The following DNAH14 variants were observed in gnomAD, a reference collection of about 807,000 sequenced individuals.
DNAH14 encodes the protein dynein axonemal heavy chain 14.
In DNAH14, 478 loss-of-function variants were observed where a neutral mutation model predicts 520.9. The ratio of observed to expected loss-of-function variants is 0.92; its 90% CI spans 0.85 to 0.99. The LOEUF (loss-of-function observed/expected upper bound fraction) is 0.99, where lower values mean the gene tolerates loss of function less well. DNAH14 is among the 50% of genes least tolerant of loss of function. The pLI, the probability that DNAH14 is intolerant of heterozygous loss-of-function variation, is 0.00. For missense variants in DNAH14, 4,831 were observed against 5,234.5 expected (o/e 0.92, Z 2.38); for synonymous variants, 1,581 against 1,757.2 (o/e 0.90, Z 2.51).
intron 73 of DNAH14, among the ~76,000 whole-genome samples, chr1:225,357,415 T>C (rs1044272136): frequency 1.3e-5 from 2 of 152,148 alleles, no homozygotes; most frequent in South Asian, 4.1e-4. Context: ...TAATGGCACA[T>C]TGGTGACAAA....
At chr1:225,106,781 C>G (rs1384429990) in intron 23 of DNAH14, among the ~76,000 whole-genome samples, 1 of 152,146 alleles carries the variant, frequency 6.6e-6, no homozygotes, top group Non-Finnish European at 1.5e-5. Flanking sequence ...AGCCATTCAT[C>G]TAATTTTTTT....
At chr1:225,073,344 G>C (rs1216986636) in intron 17 of DNAH14, among the ~76,000 whole-genome samples, 3 of 152,150 alleles carry the variant, frequency 2.0e-5, no homozygotes, top group Admixed American at 2.0e-4. Flanking sequence ...CCTCCCTCTG[G>C]GAGTACCATC....
At chr1:225,377,130 G>A (rs2095711327) in intron 78 of DNAH14, 107 bp from the exon 79 acceptor site, 6 of 882,838 alleles carry the variant, frequency 6.8e-6, no homozygotes, top group African/African-American at 1.7e-5. Flanking sequence ...GGAAAATATT[G>A]TCTTCAAGCA....
Position 225,149,223 on chromosome 1 carries a change from T to G in DNAH14, c.4940+1974T>G, listed in dbSNP as rs368287391. 6.6e-5 allele frequency among the ~76,000 whole-genome samples: 10 copies of G among 152,322 alleles called. No homozygotes were observed. The East Asian group carries it at 1.7e-3, about 26-fold the overall frequency. On this transcript the variant is annotated intron_variant, in intron 31 of 85. Coordinates refer to ENST00000682510, the MANE Select transcript of DNAH14 (RefSeq NM_001367479.1). ...TTGAGTTTGTCATGTTTGTCAAAGA[T>G]CAGATGGTTGTATGTGTGCAGCCTT...
chr1:225,204,265 A>G lies in DNAH14; in HGVS notation c.5969A>G (p.Glu1990Gly). 6.8e-7 allele frequency: 1 copy of G among 1,469,300 alleles called. No homozygotes were observed. The highest frequency in any genetic ancestry group is 9.0e-7 in the Non-Finnish European group (1 of 1,108,328). The allele number at this position is 1,469,300 out of a possible 1,614,324, so 91.0% of individuals were successfully genotyped here. The change falls in exon 39 of 86, where the codon GAA (glutamate) becomes GGA (glycine). Residue 1990 changes from glutamate to glycine, a missense_variant. Transcript: ENST00000682510. ...ATAGAGAAAGTTGTTAAAATTCCAG[A>G]AAATCACAGTAAGTGTTACTAAATT... ...EEIEKVVKIP[E>G]NHNFDWQWII...
At chr1:225,152,949 T>A (rs140760573) in intron 33 of DNAH14, 66 bp downstream of exon 33, 464 of 1,494,024 alleles carry the variant, frequency 3.1e-4, no homozygotes, top group Non-Finnish European at 3.9e-4. Context: ...AGTAATACTT[T>A]TCTGGATTGG....
At chr1:225,020,152 C>T (rs2147998119) in intron 10 of DNAH14, among the ~76,000 whole-genome samples, 1 of 151,970 alleles carries the variant, frequency 6.6e-6, no homozygotes, top group Non-Finnish European at 1.5e-5. Flanking sequence ...CCCAAATACA[C>T]CCAATCAGAA....
intron 78 of DNAH14, among the ~76,000 whole-genome samples, chr1:225,375,898 C>G (rs1357914540): frequency 1.3e-5 from 2 of 151,876 alleles, no homozygotes; most frequent in Non-Finnish European, 2.9e-5. Flanking sequence ...AGCAGCCTGG[C>G]CAACATGATG....
intron 9 of DNAH14, among the ~76,000 whole-genome samples, chr1:225,006,365 C>T (rs1360396914): frequency 6.6e-6 from 1 of 152,086 alleles, no homozygotes; most frequent in Non-Finnish European, 1.5e-5. Context: ...GGGAGATAAC[C>T]ATAAGGTCTG....
At chr1:224,988,936 G>A (rs996466245) in intron 8 of DNAH14, among the ~76,000 whole-genome samples, 2 of 152,140 alleles carry the variant, frequency 1.3e-5, no homozygotes, top group Admixed American at 1.3e-4. Context: ...TGCCCAGCCT[G>A]AACTCTTCTT....
intron 5 of DNAH14, among the ~76,000 whole-genome samples, chr1:224,965,138 G>A (rs2061083091): frequency 6.6e-6 from 1 of 152,044 alleles, no homozygotes; most frequent in South Asian, 2.1e-4. Context: ...GAAAGCTATG[G>A]TAAGAACTAA....
intron 52 of DNAH14, among the ~76,000 whole-genome samples, chr1:225,274,197 A>ATTTTTTTTTT (rs869247051): frequency 8.6e-5 from 8 of 92,884 alleles, no homozygotes; most frequent in African/African-American, 1.2e-4. Flanking sequence ...AGCATCTGTT[A>ATTTTTTTTTT]TTTTTTTTTT....
intron 1 of DNAH14, among the ~76,000 whole-genome samples, chr1:224,936,358 TAAAC>T (rs945836313): frequency 1.3e-4 from 19 of 150,690 alleles, no homozygotes; most frequent in African/African-American, 4.7e-4. Context: ...AAGACCTAAA[TAAAC>T]AAAATCAGAA....
chr1:225,106,440 T>C (rs1023064719), intron 23 of DNAH14, among the ~76,000 whole-genome samples: 6 of 152,296 alleles, frequency 3.9e-5, no homozygotes, highest in Admixed American at 3.9e-4. Flanking sequence ...CCTTGCTAGA[T>C]TGGGAAGTTC....
At chr1:225,187,432 C>T (rs898566334) in intron 37 of DNAH14, among the ~76,000 whole-genome samples, 1 of 151,678 alleles carries the variant, frequency 6.6e-6, no homozygotes, top group Non-Finnish European at 1.5e-5. Context: ...CTTTTGGATG[C>T]AATGAATATT....
chr1:225,090,571 C>T (rs1298156638), intron 21 of DNAH14, among the ~76,000 whole-genome samples: 1 of 152,056 alleles, frequency 6.6e-6, no homozygotes, highest in Admixed American at 6.5e-5. Context: ...GACCCACATA[C>T]GTATGGACAA....
At position 225,394,110 on chromosome 1, in the gene DNAH14, C is replaced by T. The variant is rs957843928; in HGVS notation, c.13491+1659C>T. Among the ~76,000 whole-genome samples, 8 of 152,146 alleles carry T rather than the reference C, an allele frequency of 5.3e-5. No individual in the cohort carries two copies. The East Asian group carries it at 5.8e-4, about 11-fold the overall frequency. On this transcript the variant is annotated intron_variant, in intron 84 of 85. Transcript: ENST00000682510. ...CTGGGATTACAGGCATGAGCCACCGCGCCCGGCCACAGCGATGTTATCTTT... is the reference window on the plus strand; with the variant it reads ...CTGGGATTACAGGCATGAGCCACCGTGCCCGGCCACAGCGATGTTATCTTT...
At chr1:225,014,030 T>G (rs890602447) in intron 10 of DNAH14, among the ~76,000 whole-genome samples, 20 of 152,066 alleles carry the variant, frequency 1.3e-4, no homozygotes, top group Non-Finnish European at 2.9e-4. Flanking sequence ...CTAGCTCGGA[T>G]TTTTGCCATA....
intron 28 of DNAH14, 47 bp from the exon 29 acceptor site, chr1:225,144,350 A>C: frequency 7.2e-7 from 1 of 1,379,464 alleles, no homozygotes; most frequent in Non-Finnish European, 1.0e-6. Flanking sequence ...AAAATACATA[A>C]AAATAATTTA....
Sources: gnomAD v4.1 joint callset for allele counts (sites outside exome capture counted in the v4.1 genomes callset) on GRCh38, gnomAD v4.1.1 for gene constraint, MANE v1.5 for transcripts, NCBI Gene and HGNC (gene_info 2026-07-23, HGNC 2026-07-21) for gene names.